Variants in NLGN1 observed in about 807,000 individuals in gnomAD.
NLGN1 encodes the protein neuroligin 1.
In NLGN1, 12 loss-of-function variants were observed where a neutral mutation model predicts 65.5. That is an observed-to-expected ratio of 0.18 (90% CI 0.12 to 0.30). The LOEUF is 0.30. NLGN1 is among the 10% of genes least tolerant of loss of function. The probability of loss-of-function intolerance (pLI) is 1.00; values close to 1 mark genes in which losing one functional copy is unlikely to be tolerated. For synonymous variants in NLGN1, 350 were observed against 359.5 expected (o/e 0.97, Z 0.30); for missense variants, 750 against 1,007.1 (o/e 0.74, Z 3.46).
chr3:173,823,276 A>G (rs1486683284), intron 4 of NLGN1, among the ~76,000 whole-genome samples: 1 of 152,124 alleles, frequency 6.6e-6, no homozygotes, highest in Non-Finnish European at 1.5e-5. Flanking sequence ...TAACAGAAAT[A>G]TACTGCAATA....
chr3:173,931,591 T>A (rs533722202), intron 4 of NLGN1, among the ~76,000 whole-genome samples: 1 of 152,124 alleles, frequency 6.6e-6, no homozygotes, highest in South Asian at 2.1e-4. Context: ...GGAACAGCAA[T>A]AACTGAGGGA....
chr3:173,851,440 A>G (rs1726903134), intron 4 of NLGN1, among the ~76,000 whole-genome samples: 1 of 152,160 alleles, frequency 6.6e-6, no homozygotes, highest in Admixed American at 6.5e-5. Flanking sequence ...TTTTTGAGGA[A>G]CATTTGACAC....
At chr3:173,833,990 C>CAGTT (rs63636762) in intron 4 of NLGN1, among the ~76,000 whole-genome samples, 26,460 of 151,874 alleles carry the variant, frequency 0.17, 2,761 homozygotes, top group African/African-American at 0.29. Context: ...GTTTACTTCT[C>CAGTT]AAACTTAAAA....
At chr3:174,055,409 A>G (rs985479462) in intron 4 of NLGN1, among the ~76,000 whole-genome samples, 8 of 151,998 alleles carry the variant, frequency 5.3e-5, no homozygotes, top group African/African-American at 1.9e-4. Context: ...TAGGCTGCAG[A>G]AAAGGCAAAG....
At chr3:174,054,774 T>G (rs1436816565) in intron 4 of NLGN1, among the ~76,000 whole-genome samples, 1 of 152,018 alleles carries the variant, frequency 6.6e-6, no homozygotes, top group Admixed American at 6.6e-5. Flanking sequence ...CCACTTTCCA[T>G]AAAAGTTTCT....
chr3:173,597,298 A>G lies in NLGN1; in HGVS notation c.-320-6981A>G, dbSNP rs1014304159. 7.9e-5 allele frequency among the ~76,000 whole-genome samples: 12 copies of G among 152,300 alleles called. No homozygotes were observed. In the East Asian group the frequency reaches 2.3e-3, roughly 29 times the overall value. On this transcript the variant is annotated intron_variant, in intron 2 of 6. Transcript: ENST00000457714. ...GTGGCCTTCAGAGAGTTATCTGACC[A>G]CTTTCACCCACATTTTTCTCACCTC... is the stretch of plus-strand genomic sequence containing the variant.
chr3:174,244,901 G>A (rs901474460), intron 4 of NLGN1, among the ~76,000 whole-genome samples: 1 of 152,170 alleles, frequency 6.6e-6, no homozygotes, highest in African/African-American at 2.4e-5. Flanking sequence ...GTGCACCAAT[G>A]TGAAATTGCC....
intron 3 of NLGN1, among the ~76,000 whole-genome samples, chr3:173,765,912 C>G (rs1778716118): frequency 6.6e-6 from 1 of 152,120 alleles, no homozygotes; most frequent in Non-Finnish European, 1.5e-5. Flanking sequence ...CATTCCCTAC[C>G]ATCTCCTCTA....
chr3:173,898,172 G>A (rs1301103352), intron 4 of NLGN1, among the ~76,000 whole-genome samples: 4 of 152,278 alleles, frequency 2.6e-5, no homozygotes, highest in Non-Finnish European at 5.9e-5. Context: ...TGAATTGTAA[G>A]TTGTCCTGAA....
intron 4 of NLGN1, among the ~76,000 whole-genome samples, chr3:174,262,694 C>T (rs1358309410): frequency 6.7e-6 from 1 of 148,920 alleles, no homozygotes; most frequent in Non-Finnish European, 1.5e-5. Context: ...TTCAGTTCTG[C>T]TCTGATTTTA....
rs71162356 is a variant in NLGN1, at chr3:173,734,381, A to ATTTTTTTTTTTTTTTTTTTTTT, written c.494-73288_494-73267dup. ...ATAATTAGATTCTGTGGATAATTCTATTTTTTTTTTTTTTTTTTTTTTTTT... is the reference window on the plus strand; with the variant it reads ...ATAATTAGATTCTGTGGATAATTCTATTTTTTTTTTTTTTTTTTTTTTTTTTTTTTTTTTTTTTTTTTTTTTT... On this transcript the variant is annotated intron_variant, in intron 3 of 6. Coordinates refer to ENST00000457714, the Ensembl canonical transcript of NLGN1. Among the ~76,000 whole-genome samples the ATTTTTTTTTTTTTTTTTTTTTT allele has an allele frequency of 2.2e-4, 9 of 40,080 alleles. 1 individual carries two copies. The highest frequency in any genetic ancestry group is 1.0e-3 in the East Asian group (1 of 992). 26.3% of individuals were successfully genotyped at this position (40,080 alleles called of 152,430 possible). A position where few individuals can be genotyped will look rare whatever the true frequency, so the allele number is the denominator to read the frequency against.
At chr3:174,051,011 C>T (rs963143621) in intron 4 of NLGN1, among the ~76,000 whole-genome samples, 1 of 151,974 alleles carries the variant, frequency 6.6e-6, no homozygotes, top group Admixed American at 6.6e-5. Context: ...GATGTCCTCA[C>T]CAGTACTTCT....
rs1222256705 is a variant in NLGN1 at position 174,281,000 on chromosome 3, C to G, written c.2169C>G (p.Thr723=). 2.5e-6 allele frequency: 4 copies of G among 1,613,318 alleles called. No homozygotes were observed. The highest frequency in any genetic ancestry group is 3.4e-6 in the Non-Finnish European group (4 of 1,179,578). ...AGCGCACTACTACCAATGATCTAAC[C>G]CATGCACAAGAAGAGGAAATCATGT... is the stretch of plus-strand genomic sequence containing the variant. Residue 723 remains threonine, a synonymous_variant, in exon 7 of 7, where the codon ACC becomes ACG. Coordinates refer to ENST00000457714, the Ensembl canonical transcript of NLGN1. The surrounding 1 kb of genome is among the most constrained non-coding windows in gnomAD (Gnocchi z 4.9).
chr3:173,796,091 C>T (rs1335748758), intron 3 of NLGN1, among the ~76,000 whole-genome samples: 1 of 152,048 alleles, frequency 6.6e-6, no homozygotes, highest in Non-Finnish European at 1.5e-5. Context: ...ATACCCTCAA[C>T]CTACTTGCCT....
rs141095727 is a variant in NLGN1, at chr3:173,415,943, A to AGAGAGCGAGCGAGC, written c.-390+17457_-390+17458insAGAGCGAGCGAGCG. ...GGGAGAGAGAGAGAGAGAGAGAGAGAGCTTGGTATAGAGCCTAACACACAA... is the reference window on the plus strand; with the variant it reads ...GGGAGAGAGAGAGAGAGAGAGAGAGAGAGAGCGAGCGAGCGCTTGGTATAGAGCCTAACACACAA... On this transcript the variant is annotated intron_variant, in intron 1 of 6. Transcript: ENST00000457714. Among the ~76,000 whole-genome samples, 220 of 142,838 alleles carry AGAGAGCGAGCGAGC rather than the reference A, an allele frequency of 1.5e-3. 2 individuals carry two copies. In the Middle Eastern group the frequency reaches 0.019, roughly 12 times the overall value. 93.7% of individuals were successfully genotyped at this position (142,838 alleles called of 152,430 possible). A position where few individuals can be genotyped will look rare whatever the true frequency, so the allele number is the denominator to read the frequency against.
intron 1 of NLGN1, among the ~76,000 whole-genome samples, chr3:173,406,678 G>A (rs945942498): frequency 6.6e-6 from 1 of 151,614 alleles, no homozygotes; most frequent in Admixed American, 6.6e-5. Flanking sequence ...CGTTCTTACC[G>A]TGCATTTCCA....
chr3:173,856,176 T>C (rs905897164), intron 4 of NLGN1, among the ~76,000 whole-genome samples: 1 of 152,156 alleles, frequency 6.6e-6, no homozygotes, highest in Admixed American at 6.6e-5. Context: ...AAAGCCACTT[T>C]CTGAATGCTG....
At position 173,445,914 on chromosome 3, in the gene NLGN1, A is replaced by G. The variant is rs1007134082; in HGVS notation, c.-321+10836A>G. Among the ~76,000 whole-genome samples the G allele has an allele frequency of 4.9e-4, 74 of 152,176 alleles. 3 individuals are homozygous for G. The highest frequency in any genetic ancestry group is 3.9e-4 in the Admixed American group (6 of 15,284). On this transcript the variant is annotated intron_variant, in intron 2 of 6. Coordinates refer to ENST00000457714, the Ensembl canonical transcript of NLGN1. Reference sequence around the variant, plus strand: ...CCTGATTTGTGCAATGAGGTTTTCAAAACTTCTCCACCTCTAACAGACATT... The same window carrying G: ...CCTGATTTGTGCAATGAGGTTTTCAGAACTTCTCCACCTCTAACAGACATT...
At chr3:173,700,566 C>T (rs981714007) in intron 3 of NLGN1, among the ~76,000 whole-genome samples, 1 of 151,920 alleles carries the variant, frequency 6.6e-6, no homozygotes, top group Non-Finnish European at 1.5e-5. Context: ...TTCATGGAGT[C>T]TGCGTAGAAT....
Sources: allele counts gnomAD v4.1 joint callset (sites outside exome capture counted in the v4.1 genomes callset), GRCh38; gene constraint gnomAD v4.1.1; non-coding constraint Gnocchi (gnomAD v3.1); transcripts MANE v1.5; gene names NCBI Gene and HGNC (gene_info 2026-07-23, HGNC 2026-07-21).